MARCHF1: variants seen among roughly 807,000 people sequenced by gnomAD.
MARCHF1 encodes the protein E3 ubiquitin-protein ligase MARCHF1.
Under a neutral mutation model 54.2 loss-of-function variants are expected in MARCHF1, and 40 were observed. The ratio of observed to expected loss-of-function variants is 0.74; its 90% confidence interval spans 0.57 to 0.96. The LOEUF (loss-of-function observed/expected upper bound fraction) is 0.96. MARCHF1 is among the 40% of genes least tolerant of loss of function. The pLI is 0.00. For missense variants in MARCHF1, 586 were observed against 656.5 expected, an observed-to-expected ratio of 0.89 and a Z score of 1.17; for synonymous variants, 236 against 236.3, an observed-to-expected ratio of 1.00 and a Z score of 0.01.
chr4:163,845,257 T>C (rs1260650316), intron 4 of MARCHF1, among the ~76,000 whole-genome samples: 2 of 152,150 alleles, frequency 1.3e-5, no homozygotes, highest in East Asian at 1.9e-4. Flanking sequence ...TGGAATATAG[T>C]CCTATTCTAA....
intron 1 of MARCHF1, among the ~76,000 whole-genome samples, chr4:164,236,048 A>T (rs1315699807): frequency 6.6e-6 from 1 of 152,078 alleles, no homozygotes; most frequent in African/African-American, 2.4e-5. Flanking sequence ...AATACTCTCA[A>T]TAGAATCTTC....
At chr4:163,898,849 C>T (rs1007227939) in intron 3 of MARCHF1, among the ~76,000 whole-genome samples, 2 of 151,916 alleles carry the variant, frequency 1.3e-5, no homozygotes, top group Non-Finnish European at 2.9e-5. Context: ...GGAGTATTTA[C>T]GTAACCATAA....
At chr4:164,220,225 C>T (rs113305137) in intron 1 of MARCHF1, among the ~76,000 whole-genome samples, 4 of 148,688 alleles carry the variant, frequency 2.7e-5, no homozygotes, top group African/African-American at 7.4e-5. Context: ...TATATATATA[C>T]ACACATACAT....
intron 3 of MARCHF1, among the ~76,000 whole-genome samples, chr4:163,985,437 A>C (rs1302492054): frequency 6.6e-6 from 1 of 152,314 alleles, no homozygotes; most frequent in East Asian, 1.9e-4. Context: ...TATGGCATAC[A>C]AAATATGTCA....
At chr4:163,633,760 T>A (rs1185608622) in intron 5 of MARCHF1, among the ~76,000 whole-genome samples, 1 of 151,818 alleles carries the variant, frequency 6.6e-6, no homozygotes, top group African/African-American at 2.4e-5. Flanking sequence ...ACAAAGATAC[T>A]CCTCGAGAAG....
chr4:164,375,027 C>G (rs1731147628), intron 1 of MARCHF1, among the ~76,000 whole-genome samples: 1 of 152,052 alleles, frequency 6.6e-6, no homozygotes, highest in South Asian at 2.1e-4. Flanking sequence ...AAATATAGCT[C>G]TAAGTGGAAA....
At chr4:164,068,242 C>T (rs1015415212) in intron 2 of MARCHF1, among the ~76,000 whole-genome samples, 6 of 152,182 alleles carry the variant, frequency 3.9e-5, no homozygotes, top group East Asian at 1.9e-4. Context: ...TGGCAGCCCT[C>T]GCAGCCCTCG....
chr4:163,696,836 G>A (rs1255795887), intron 5 of MARCHF1, among the ~76,000 whole-genome samples: 5 of 152,082 alleles, frequency 3.3e-5, no homozygotes, highest in Non-Finnish European at 5.9e-5. Flanking sequence ...TTAGATGGAA[G>A]TGATGGCTCT....
In MARCHF1 at chr4:164,321,808, C is replaced by T. The variant is rs1026775301; in HGVS notation, c.-323+62062G>A. On this transcript the variant is annotated intron_variant, in intron 1 of 9. Transcript: ENST00000514618. ...AAATAAATAATGGCAATCAATGGCT[C>T]TTGTATTTACTAATAGATAAATGTA... Among the ~76,000 whole-genome samples, 10 of 152,098 alleles carry T rather than the reference C, an allele frequency of 6.6e-5. No individual in the cohort carries two copies. In the East Asian group the frequency reaches 1.9e-3, roughly 29 times the overall value.
intron 4 of MARCHF1, among the ~76,000 whole-genome samples, chr4:163,850,641 G>A (rs1434016016): frequency 6.6e-6 from 1 of 152,240 alleles, no homozygotes; most frequent in African/African-American, 2.4e-5. Flanking sequence ...GCTGGGCAAT[G>A]GGCAGAAAGG....
intron 3 of MARCHF1, among the ~76,000 whole-genome samples, chr4:163,910,993 G>C (rs12501935): frequency 1.3e-5 from 2 of 152,050 alleles, no homozygotes; most frequent in African/African-American, 4.8e-5. Flanking sequence ...ATGAAAGGTA[G>C]TTGATTCAGC....
intron 4 of MARCHF1, among the ~76,000 whole-genome samples, chr4:163,844,269 G>A (rs1028456435): frequency 2.6e-5 from 4 of 151,846 alleles, no homozygotes; most frequent in Non-Finnish European, 5.9e-5. Context: ...ATGTTTTAAT[G>A]GTGTTCTTTG....
At chr4:163,768,402 C>G (rs1747054218) in intron 4 of MARCHF1, among the ~76,000 whole-genome samples, 1 of 152,032 alleles carries the variant, frequency 6.6e-6, no homozygotes, top group Non-Finnish European at 1.5e-5. Flanking sequence ...CTTTAAGTTG[C>G]CTTATTACAA....
chr4:164,206,479 C>G (rs1016255393), intron 1 of MARCHF1, among the ~76,000 whole-genome samples: 1 of 152,156 alleles, frequency 6.6e-6, no homozygotes, highest in Non-Finnish European at 1.5e-5. Context: ...ACAAACCAAA[C>G]TAAAGCTTTT....
chr4:163,882,657 G>A (rs1218323963), intron 3 of MARCHF1, among the ~76,000 whole-genome samples: 1 of 151,816 alleles, frequency 6.6e-6, no homozygotes, highest in Admixed American at 6.6e-5. Flanking sequence ...TTTTAATGTT[G>A]ACACCACATT....
intron 1 of MARCHF1, among the ~76,000 whole-genome samples, chr4:164,230,307 A>G (rs554804852): frequency 1.8e-4 from 27 of 152,118 alleles, no homozygotes; most frequent in African/African-American, 5.5e-4. Flanking sequence ...ACACAGGAGA[A>G]TCACTTGAAC....
In MARCHF1 at chr4:163,525,802, TAGTC is replaced by T. The variant is rs768754139; in HGVS notation, c.*2942_*2945del. The T allele has an allele frequency of 3.9e-5, 6 of 152,096 alleles. No homozygotes were observed. Among genetic ancestry groups the T allele is most frequent in the Non-Finnish European group, 5.9e-5 (4 of 67,992 alleles). The allele number at this position is 152,096 out of a possible 1,614,324, so 9.4% of individuals were successfully genotyped here. On this transcript the variant is annotated 3_prime_UTR_variant, in exon 10 of 10. Transcript: ENST00000514618. Reference sequence around the variant, plus strand: ...GAGCAGTTTTTCTTTTTGAAGGGTATAGTCAGTCAGTCTACAAAAAAGCACTGCC... The same window carrying T: ...GAGCAGTTTTTCTTTTTGAAGGGTATAGTCAGTCTACAAAAAAGCACTGCC...
chr4:164,238,498 T>A lies in MARCHF1; in HGVS notation c.-322-126836A>T, dbSNP rs996291749. 3.3e-5 allele frequency among the ~76,000 whole-genome samples: 5 copies of A among 152,104 alleles called. No individual in the cohort carries two copies. The East Asian group carries it at 9.6e-4, about 29-fold the overall frequency. ...CTTGATAGCCTTATATTTTAATCAC[T>A]AATGTAGTAAATTTATATTTATTTA... On this transcript the variant is annotated intron_variant, in intron 1 of 9. Coordinates refer to ENST00000514618, the MANE Select transcript of MARCHF1 (RefSeq NM_001394959.1).
intron 1 of MARCHF1, among the ~76,000 whole-genome samples, chr4:164,281,151 G>A (rs192114956): frequency 6.5e-4 from 99 of 152,222 alleles, no homozygotes; most frequent in African/African-American, 2.2e-3. Flanking sequence ...TTATTGTTCT[G>A]CAAAATTAGA....
Sources: allele counts gnomAD v4.1 joint callset (sites outside exome capture counted in the v4.1 genomes callset), GRCh38; gene constraint gnomAD v4.1.1; transcripts MANE v1.5; gene names NCBI Gene and HGNC (gene_info 2026-07-23, HGNC 2026-07-21).